The following CHAT variants were observed in gnomAD, a reference collection of about 807,000 sequenced individuals.
CHAT encodes acetyl CoA:choline O-acetyltransferase.
In CHAT, 61 loss-of-function variants were observed where a neutral mutation model predicts 76.9. The observed-to-expected ratio is 0.79, with a 90% CI of 0.65 to 0.98. The LOEUF is 0.98. CHAT is among the 50% of genes least tolerant of loss of function. CHAT has a pLI of 0.00. For synonymous variants in CHAT, 407 were observed against 397.4 expected (o/e 1.02, Z -0.29); for missense variants, 946 against 986.9 (o/e 0.96, Z 0.56).
intron 14 of CHAT, among the ~76,000 whole-genome samples, chr10:49,663,897 G>A (rs184409034): frequency 2.1e-4 from 32 of 152,282 alleles, no homozygotes; most frequent in Admixed American, 1.1e-3. Context: ...GCTATTGCAC[G>A]GCAAATTTAT....
intron 7 of CHAT, among the ~76,000 whole-genome samples, chr10:49,636,690 A>G (rs1451332962): frequency 1.3e-5 from 2 of 152,134 alleles, no homozygotes; most frequent in Non-Finnish European, 2.9e-5. Context: ...CTAATTCAAT[A>G]CCCTTAACTC....
rs1043489620 is a variant in CHAT, at chr10:49,629,060, T to C, written c.1111+1275T>C. Among the ~76,000 whole-genome samples the C allele has an allele frequency of 3.9e-5, 6 of 152,270 alleles. No homozygotes were observed. In the South Asian group the frequency reaches 1.2e-3, roughly 31 times the overall value. On this transcript the variant is annotated intron_variant, in intron 7 of 14. Transcript: ENST00000337653. ...ATCCTTCCCGCACACTCTGTCACTGTGGCCCGTTCGCTTACCTTGACTCTG... is the reference window on the plus strand; with the variant it reads ...ATCCTTCCCGCACACTCTGTCACTGCGGCCCGTTCGCTTACCTTGACTCTG...
At chr10:49,620,821 A>T (rs767672715) in intron 4 of CHAT, among the ~76,000 whole-genome samples, 7 of 152,150 alleles carry the variant, frequency 4.6e-5, no homozygotes, top group Admixed American at 1.3e-4. Flanking sequence ...AATTAGCCTT[A>T]GTCTATATTT....
At chr10:49,612,249 T>G (rs1385084287), upstream of CHAT, 3 of 1,610,336 alleles carry the variant, frequency 1.9e-6, no homozygotes, top group African/African-American at 2.7e-5. Flanking sequence ...GTGAGCGTCC[T>G]GTGTCTGGCC....
chr10:49,640,485 C>T (rs1186311405), intron 7 of CHAT, among the ~76,000 whole-genome samples: 1 of 143,834 alleles, frequency 7.0e-6, no homozygotes, highest in Non-Finnish European at 1.6e-5. Context: ...GAGGGGACTC[C>T]TTATTACTGC....
In CHAT at chr10:49,648,487, CTCCCTCTTTCCTGTTGCAG is replaced by C. The variant is rs1389503396; in HGVS notation, c.1282-18_1282del. 6.2e-7 allele frequency: 1 copy of C among 1,605,552 alleles called. No individual in the cohort carries two copies. The highest frequency in any genetic ancestry group is 1.7e-4 in the Middle Eastern group (1 of 5,956). On this transcript the variant is annotated splice_acceptor_variant and splice_polypyrimidine_tract_variant and intron_variant, in intron 8 of 14. Coordinates refer to ENST00000337653, the MANE Select transcript of CHAT (RefSeq NM_020549.5). LOFTEE classifies it high-confidence loss of function. ...ATGCTGACTCTCCCATGATCGCCCA[CTCCCTCTTTCCTGTTGCAG>C]TTTGTGGTGGGCCGAGACGGCACCT...
intron 14 of CHAT, among the ~76,000 whole-genome samples, chr10:49,663,420 T>C (rs3793798): frequency 6.6e-6 from 1 of 152,086 alleles, no homozygotes; most frequent in East Asian, 1.9e-4. Context: ...TGCAGTGAAG[T>C]CTTGGCTTGG....
At position 49,664,401 on chromosome 10, in the gene CHAT, G is replaced by A. The variant is rs140499743; in HGVS notation, c.1978-376G>A. 1.8e-3 allele frequency among the ~76,000 whole-genome samples: 270 copies of A among 152,262 alleles called. 1 individual carries two copies. Among genetic ancestry groups the A allele is most frequent in the African/African-American group, 6.4e-3 (265 of 41,528 alleles). ...CTCCAGTTCATAAATTCCTCCCTCCGGAAAGCATCTAACTATGGGGTGCCA... is the reference window on the plus strand; with the variant it reads ...CTCCAGTTCATAAATTCCTCCCTCCAGAAAGCATCTAACTATGGGGTGCCA... On this transcript the variant is annotated intron_variant, in intron 14 of 14. Coordinates refer to ENST00000337653, the MANE Select transcript of CHAT (RefSeq NM_020549.5).
At chr10:49,620,012 G>T in intron 3 of CHAT, 96 bp downstream of exon 3, 2 of 1,289,404 alleles carry the variant, frequency 1.6e-6, no homozygotes, top group East Asian at 2.5e-5. Context: ...GACAAAGACA[G>T]GGCAGAAGGA....
Position 49,662,751 on chromosome 10 carries a change from T to C in CHAT, c.1946T>C (p.Met649Thr). The C allele has an allele frequency of 6.2e-7, 1 of 1,614,200 alleles. No individual in the cohort carries two copies. Among genetic ancestry groups the C allele is most frequent in the Non-Finnish European group, 8.5e-7 (1 of 1,180,030 alleles). The change falls in exon 14 of 15, where the codon ATG becomes ACG. Residue 649 changes from methionine to threonine, a missense_variant. This residue lies in a region of CHAT where 349 missense variants were observed against 393.9 expected (regional missense o/e 0.89). Coordinates refer to ENST00000337653, the MANE Select transcript of CHAT (RefSeq NM_020549.5). ...PEMFMDETYL[M>T]SNRFVLSTSQ... is the part of the protein sequence containing the mutation. The stretch of plus-strand genomic sequence containing the variant: ...ATGTTCATGGATGAAACCTACCTGA[T>C]GAGCAACCGGTTTGTCCTCTCCACT...
Position 49,649,536 on chromosome 10 carries a change from G to A in CHAT, c.1411G>A (p.Ala471Thr), listed in dbSNP as rs903237719. 2 of 1,613,748 alleles carry A rather than the reference G, an allele frequency of 1.2e-6. No individual in the cohort carries two copies. Among genetic ancestry groups the A allele is most frequent in the Non-Finnish European group, 1.7e-6 (2 of 1,180,054 alleles). ...GCAGAGCAGCAGGAAGCTGATCCGA[G>A]CAGACTCCGTCAGCGAGCTCCCCGC... ...VTQSSRKLIR[A>T]DSVSELPAPR... is the part of the protein sequence containing the mutation. The change falls in exon 10 of 15, where the codon GCA becomes ACA. Residue 471 changes from alanine to threonine, a missense_variant. Physicochemically the swap from Ala to Thr is moderately conservative, Grantham distance 58. This residue lies in a region of CHAT where 349 missense variants were observed against 393.9 expected (regional missense o/e 0.89). Coordinates refer to ENST00000337653, the MANE Select transcript of CHAT (RefSeq NM_020549.5).
At chr10:49,628,079 C>A (rs1192846805) in intron 7 of CHAT, among the ~76,000 whole-genome samples, 1 of 152,040 alleles carries the variant, frequency 6.6e-6, no homozygotes, top group African/African-American at 2.4e-5. Flanking sequence ...AGGCTGGCTG[C>A]AAGTGAGCAG....
At chr10:49,647,573 T>G (rs1421677332) in intron 8 of CHAT, among the ~76,000 whole-genome samples, 2 of 152,240 alleles carry the variant, frequency 1.3e-5, no homozygotes, top group Non-Finnish European at 2.9e-5. Flanking sequence ...GTTTGCATAT[T>G]GATTCTGTTA....
intron 2 of CHAT, 100 bp from the exon 3 acceptor site, chr10:49,619,625 C>T: frequency 8.3e-7 from 1 of 1,201,936 alleles, no homozygotes; most frequent in Non-Finnish European, 1.2e-6. Flanking sequence ...GGGTAGAGAA[C>T]AACACAGGGG....
chr10:49,612,478 A>T, upstream of CHAT: 1 of 823,004 alleles, frequency 1.2e-6, no homozygotes, highest in Non-Finnish European at 1.9e-6. Context: ...CTTCTGCCCA[A>T]ATCCCCTCCC....
chr10:49,617,996 G>T (rs1838560792), intron 2 of CHAT, among the ~76,000 whole-genome samples: 1 of 152,134 alleles, frequency 6.6e-6, no homozygotes, highest in South Asian at 2.1e-4. Flanking sequence ...CTTTTAAGGG[G>T]CCCATTCACT....
chr10:49,656,772 G>A (rs1423740857), intron 13 of CHAT, among the ~76,000 whole-genome samples: 3 of 152,158 alleles, frequency 2.0e-5, no homozygotes, highest in Non-Finnish European at 4.4e-5. Flanking sequence ...AATTGGGGGT[G>A]GGAATGTTTG....
chr10:49,651,603 C>G, intron 10 of CHAT: 1 of 444,818 alleles, frequency 2.2e-6, no homozygotes, highest in Non-Finnish European at 4.2e-6. Context: ...CTCACTAACA[C>G]AGCCAGGCCC....
chr10:49,658,090 A>C (rs574263994), intron 13 of CHAT, among the ~76,000 whole-genome samples: 1 of 152,374 alleles, frequency 6.6e-6, no homozygotes, highest in South Asian at 2.1e-4. Flanking sequence ...TTTTAAAAAA[A>C]CTTAAAATGG....
Sources: gnomAD v4.1 joint callset for allele counts (sites outside exome capture counted in the v4.1 genomes callset) on GRCh38, gnomAD v4.1.1 for gene constraint, gnomAD v4.1.1 regional missense constraint, MANE v1.5 for transcripts, NCBI Gene and HGNC (gene_info 2026-07-23, HGNC 2026-07-21) for gene names.